Variants in MCM6 observed in about 807,000 individuals in gnomAD.
The protein encoded by MCM6 is DNA replication licensing factor MCM6.
In MCM6, 46 loss-of-function variants were observed where a neutral mutation model predicts 94.3. The ratio of observed to expected loss-of-function variants is 0.49; its 90% confidence interval spans 0.39 to 0.62. The LOEUF (loss-of-function observed/expected upper bound fraction) is 0.62. Among genes scored for constraint, MCM6 ranks in the 20% least tolerant of loss-of-function variants. MCM6 has a pLI of 0.00. For synonymous variants in MCM6, 335 were observed against 351.9 expected (o/e 0.95, Z 0.54); for missense variants, 865 against 1,017.9 (o/e 0.85, Z 2.04).
At position 135,839,721 on chromosome 2, in the gene MCM6, A is replaced by G. The variant is rs1156398946; in HGVS notation, c.*1114T>C. The G allele has an allele frequency of 1.3e-5, 2 of 152,226 alleles. No homozygotes were observed. Among genetic ancestry groups the G allele is most frequent in the Admixed American group, 6.5e-5 (1 of 15,276 alleles). The allele number at this position is 152,226 out of a possible 1,614,324, so 9.4% of individuals were successfully genotyped here. On this transcript the variant is annotated 3_prime_UTR_variant, in exon 17 of 17. Transcript: ENST00000264156. The stretch of plus-strand genomic sequence containing the variant: ...GGTTTCATACAAGTTGATTCCAGGG[A>G]AAGAGATAATTATTGGGAGAAACAT...
intron 16 of MCM6, among the ~76,000 whole-genome samples, chr2:135,841,381 G>A (rs1216517509): frequency 6.6e-6 from 1 of 151,962 alleles, no homozygotes; most frequent in African/African-American, 2.4e-5. Flanking sequence ...AGAGTTAGGA[G>A]AAGAATCTAT....
chr2:135,853,135 G>A (rs971275295), intron 11 of MCM6, among the ~76,000 whole-genome samples: 2 of 152,164 alleles, frequency 1.3e-5, no homozygotes, highest in African/African-American at 4.8e-5. Context: ...TATACCTGAA[G>A]GAATTGATTG....
intron 5 of MCM6, 122 bp from the exon 6 acceptor site, chr2:135,866,399 A>C: frequency 1.4e-6 from 2 of 1,409,604 alleles, no homozygotes; most frequent in Non-Finnish European, 1.9e-6. Flanking sequence ...TACTTTCAGA[A>C]TAGCACCATT....
At chr2:135,869,111 A>T (rs928518623) in intron 3 of MCM6, among the ~76,000 whole-genome samples, 1 of 152,154 alleles carries the variant, frequency 6.6e-6, no homozygotes, top group Admixed American at 6.5e-5. Context: ...TAAAATTATA[A>T]AACAGAACGG....
At chr2:135,861,895 C>T (rs1379894917) in intron 8 of MCM6, among the ~76,000 whole-genome samples, 12 of 152,194 alleles carry the variant, frequency 7.9e-5, no homozygotes, top group East Asian at 1.9e-4. Flanking sequence ...GGATTACAGG[C>T]GTGAGCCATG....
chr2:135,842,551 A>G (rs1304050844), intron 16 of MCM6, among the ~76,000 whole-genome samples: 1 of 152,208 alleles, frequency 6.6e-6, no homozygotes, highest in Non-Finnish European at 1.5e-5. Context: ...TCCATAAGAG[A>G]GACAAACTAA....
chr2:135,857,877 C>T lies in MCM6; in HGVS notation c.1470+20G>A. 2 of 1,594,218 alleles carry T rather than the reference C, an allele frequency of 1.3e-6. No individual in the cohort carries two copies. The highest frequency in any genetic ancestry group is 2.2e-5 in the South Asian group (2 of 90,608). ...CAAGGCTATGGACGATGCAGCAGAA[C>T]AGAAGTAGATAACACATACCTTCAC... On this transcript the variant is annotated intron_variant, in intron 10 of 16. Transcript: ENST00000264156.
chr2:135,843,580 A>G (rs1228625064), intron 16 of MCM6, among the ~76,000 whole-genome samples: 1 of 151,998 alleles, frequency 6.6e-6, no homozygotes, highest in African/African-American at 2.4e-5. Context: ...TAAAAAAAAA[A>G]AATTAAAAAA....
intron 2 of MCM6, among the ~76,000 whole-genome samples, chr2:135,870,749 T>A (rs1680185641): frequency 6.6e-6 from 1 of 152,182 alleles, no homozygotes; most frequent in Admixed American, 6.5e-5. Context: ...TCAGTCAATT[T>A]CTTTGGTTTC....
intron 11 of MCM6, among the ~76,000 whole-genome samples, chr2:135,854,198 G>A (rs1292496697): frequency 6.6e-6 from 1 of 152,136 alleles, no homozygotes; most frequent in African/African-American, 2.4e-5. Context: ...CTGCACTCCA[G>A]CCTGGGCAAT....
chr2:135,866,115 C>G lies in MCM6; in HGVS notation c.927+17G>C. 1 of 1,612,646 alleles carries G rather than the reference C, an allele frequency of 6.2e-7. No individual in the cohort carries two copies. Among genetic ancestry groups the G allele is most frequent in the African/African-American group, 1.3e-5 (1 of 74,808 alleles). On this transcript the variant is annotated intron_variant, in intron 6 of 16. Coordinates refer to ENST00000264156, the MANE Select transcript of MCM6 (RefSeq NM_005915.6). ...AGACTGTTTCAAAAACAAACAAAAA[C>G]CCCCAAAACGACTGACCCTTGGGTT...
Position 135,866,735 on chromosome 2 carries a change from TACAG to T in MCM6, c.616-11_616-8del, listed in dbSNP as rs1212125783. 5 of 1,590,172 alleles carry T rather than the reference TACAG, an allele frequency of 3.1e-6. No homozygotes were observed. In the African/African-American group the frequency reaches 5.4e-5, roughly 17 times the overall value. On this transcript the variant is annotated splice_region_variant and splice_polypyrimidine_tract_variant and intron_variant, in intron 4 of 16. Coordinates refer to ENST00000264156, the MANE Select transcript of MCM6 (RefSeq NM_005915.6). ...GGGTCTCTTGAATACGAACCTGTAA[TACAG>T]ACAAACAACCAACCAAGAATGAGAA... is the stretch of plus-strand genomic sequence containing the variant.
At chr2:135,869,805 T>C (rs1409186697) in intron 3 of MCM6, among the ~76,000 whole-genome samples, 1 of 152,170 alleles carries the variant, frequency 6.6e-6, no homozygotes, top group Non-Finnish European at 1.5e-5. Flanking sequence ...GTGATAATCC[T>C]AAAAATTTGC....
intron 9 of MCM6, 38 bp downstream of exon 9, chr2:135,859,263 C>A: frequency 6.4e-7 from 1 of 1,568,330 alleles, no homozygotes; most frequent in Non-Finnish European, 8.7e-7. Flanking sequence ...TAGGGGTATT[C>A]TGACTTCTTT....
Position 135,866,218 on chromosome 2 carries a change from T to A in MCM6, c.841A>T (p.Ile281Phe). 1.2e-6 allele frequency: 2 copies of A among 1,614,180 alleles called. No individual in the cohort carries two copies. The highest frequency in any genetic ancestry group is 1.7e-6 in the Non-Finnish European group (2 of 1,180,002). ...SGVDGYETEG[I>F]RGLRALGVRD... Reference sequence around the variant, plus strand: ...ACACCAAGGGCCCGGAGTCCTCGAATGCCTTCTGTCTCATATCCATCAACA... The same window carrying A: ...ACACCAAGGGCCCGGAGTCCTCGAAAGCCTTCTGTCTCATATCCATCAACA... The change falls in exon 6 of 17, where the codon ATT becomes TTT. Residue 281 changes from isoleucine (I) to phenylalanine (F), a missense_variant. By Grantham distance (21) the Ile-to-Phe change is conservative (BLOSUM62 0). Coordinates refer to ENST00000264156, the MANE Select transcript of MCM6 (RefSeq NM_005915.6).
chr2:135,850,299 TA>T (rs879643402), intron 13 of MCM6, among the ~76,000 whole-genome samples: 5 of 151,602 alleles, frequency 3.3e-5, no homozygotes, highest in South Asian at 2.1e-4. Context: ...CGTTTTTTTT[TA>T]ATTTCCAACT....
At chr2:135,862,045 G>A (rs75597312) in intron 8 of MCM6, among the ~76,000 whole-genome samples, 6,325 of 151,912 alleles carry the variant, frequency 0.042, 409 homozygotes, top group African/African-American at 0.14. Flanking sequence ...CATCTATATC[G>A]GTAATTATTA....
In MCM6 at chr2:135,857,914, T is replaced by C; in HGVS notation, c.1453A>G (p.Thr485Ala). The C allele has an allele frequency of 6.2e-7, 1 of 1,613,976 alleles. No homozygotes were observed. Among genetic ancestry groups the C allele is most frequent in the Non-Finnish European group, 8.5e-7 (1 of 1,179,970 alleles). The stretch of plus-strand genomic sequence containing the variant: ...ACACATACCTTCACTCCTGCTTTAG[T>C]GATGGATATGGTCTGCTGTTCCATA... ...EAMEQQTISI[T>A]KAGVKATLNA... The change falls in exon 10 of 17, where the codon ACT (threonine) becomes GCT (alanine). Residue 485 changes from threonine to alanine, a missense_variant. Around this residue, in one of 3 missense-constraint regions of MCM6, gnomAD observed 153 missense variants for 241.5 expected, o/e 0.63. Coordinates refer to ENST00000264156, the MANE Select transcript of MCM6 (RefSeq NM_005915.6).
At chr2:135,845,456 T>A (rs1329212548) in intron 15 of MCM6, among the ~76,000 whole-genome samples, 1 of 152,222 alleles carries the variant, frequency 6.6e-6, no homozygotes, top group African/African-American at 2.4e-5. Flanking sequence ...AGCTGAGGCG[T>A]CCTAGTGGCC....
Sources: allele counts gnomAD v4.1 joint callset (sites outside exome capture counted in the v4.1 genomes callset), GRCh38; gene constraint gnomAD v4.1.1; regional missense constraint gnomAD v4.1.1; transcripts MANE v1.5; gene names NCBI Gene and HGNC (gene_info 2026-07-23, HGNC 2026-07-21).